STPG2: variants seen among roughly 807,000 people sequenced by gnomAD.
STPG2 encodes the protein sperm tail PG-rich repeat containing 2.
A neutral mutation model predicts 54.2 loss-of-function variants in STPG2; 56 were observed. The observed-to-expected ratio is 1.03, with a 90% CI of 0.83 to 1.29. The LOEUF (loss-of-function observed/expected upper bound fraction) is 1.29. Ranked by LOEUF, STPG2 falls within the 50% of genes most tolerant of loss-of-function variation. STPG2 has a pLI of 0.00. For synonymous variants in STPG2, 200 were observed against 181.8 expected (o/e 1.10, Z -0.81); for missense variants, 596 against 544.9 (o/e 1.09, Z -0.93).
At chr4:97,727,880 A>T (rs1724674542) in intron 9 of STPG2, among the ~76,000 whole-genome samples, 1 of 151,980 alleles carries the variant, frequency 6.6e-6, no homozygotes, top group Admixed American at 6.6e-5. Context: ...GCACAAATGA[A>T]AGCAGAGATA....
intron 1 of STPG2, among the ~76,000 whole-genome samples, chr4:98,140,768 C>G (rs1740259110): frequency 6.6e-6 from 1 of 151,534 alleles, no homozygotes; most frequent in Non-Finnish European, 1.5e-5. Context: ...TAGAGATGTT[C>G]AAAAAAGTAA....
intron 10 of STPG2, among the ~76,000 whole-genome samples, chr4:97,669,904 C>A (rs1722646170): frequency 6.6e-6 from 1 of 151,930 alleles, no homozygotes; most frequent in Non-Finnish European, 1.5e-5. Flanking sequence ...AGTAAAGCAA[C>A]TCTGCATGTA....
chr4:97,994,292 A>T (rs1303452770), intron 5 of STPG2, among the ~76,000 whole-genome samples: 3 of 152,118 alleles, frequency 2.0e-5, no homozygotes, highest in Non-Finnish European at 2.9e-5. Context: ...ATCCCTTTGG[A>T]ATTGATTTCC....
chr4:98,040,919 A>G (rs1376444253), intron 5 of STPG2, among the ~76,000 whole-genome samples: 4 of 151,536 alleles, frequency 2.6e-5, no homozygotes, highest in Admixed American at 2.6e-4. Flanking sequence ...AAGAATCAAC[A>G]TTGAATCAAA....
rs1487089542 is a variant in STPG2, at chr4:97,669,185, T to C, written c.1320+43514A>G. Among the ~76,000 whole-genome samples, 3 of 152,164 alleles carry C rather than the reference T, an allele frequency of 2.0e-5. No homozygotes were observed. The East Asian group carries it at 5.8e-4, about 29-fold the overall frequency. ...GCTGAGTTTATTTTTATTAAGGTAATACTTTACAAACTCTGACCTAATTAG... is the reference window on the plus strand; with the variant it reads ...GCTGAGTTTATTTTTATTAAGGTAACACTTTACAAACTCTGACCTAATTAG... On this transcript the variant is annotated intron_variant, in intron 10 of 10. Transcript: ENST00000295268.
intron 3 of STPG2, among the ~76,000 whole-genome samples, chr4:98,126,883 G>T (rs199939850): frequency 6.6e-6 from 1 of 151,858 alleles, no homozygotes; most frequent in East Asian, 1.9e-4. Context: ...TGAAGGATAG[G>T]ATTATTATTA....
At chr4:97,689,546 T>C (rs1275945266) in intron 10 of STPG2, among the ~76,000 whole-genome samples, 1 of 152,152 alleles carries the variant, frequency 6.6e-6, no homozygotes, top group African/African-American at 2.4e-5. Flanking sequence ...TGACATTTTA[T>C]ATGACTATTA....
intron 10 of STPG2, among the ~76,000 whole-genome samples, chr4:97,579,456 C>A (rs928647744): frequency 6.6e-6 from 1 of 151,872 alleles, no homozygotes; most frequent in Non-Finnish European, 1.5e-5. Flanking sequence ...AAATACTTAT[C>A]TTGTTTGAAA....
At chr4:97,602,058 T>C (rs997065279) in intron 10 of STPG2, among the ~76,000 whole-genome samples, 13 of 151,892 alleles carry the variant, frequency 8.6e-5, no homozygotes, top group African/African-American at 2.4e-4. Flanking sequence ...TACCAGGATA[T>C]AGACATGCAA....
chr4:97,487,807 T>C (rs965870930), intron 4 of STPG2, among the ~76,000 whole-genome samples: 9 of 151,462 alleles, frequency 5.9e-5, no homozygotes, highest in Admixed American at 2.0e-4. Context: ...ACAAATCTTA[T>C]AAATGACTTA....
At chr4:97,948,777 A>G (rs1019881592) in intron 7 of STPG2, among the ~76,000 whole-genome samples, 1 of 152,076 alleles carries the variant, frequency 6.6e-6, no homozygotes, top group African/African-American at 2.4e-5. Flanking sequence ...CTGAGAAGAT[A>G]CTTGCTACAG....
chr4:98,118,684 A>AGG (rs981640228), intron 3 of STPG2, among the ~76,000 whole-genome samples: 23 of 152,288 alleles, frequency 1.5e-4, no homozygotes, highest in African/African-American at 5.5e-4. Context: ...CTATGGAAGT[A>AGG]GGGCTCCTTA....
intron 8 of STPG2, among the ~76,000 whole-genome samples, chr4:97,876,390 T>A (rs1446242832): frequency 1.3e-5 from 2 of 152,108 alleles, no homozygotes; most frequent in Non-Finnish European, 2.9e-5. Context: ...AAAAGTCTAC[T>A]TTGTTAATGC....
At chr4:97,931,214 T>C (rs1355198332) in intron 8 of STPG2, among the ~76,000 whole-genome samples, 1 of 152,212 alleles carries the variant, frequency 6.6e-6, no homozygotes, top group Non-Finnish European at 1.5e-5. Context: ...GGACTTCCAA[T>C]ACTATGCTGA....
chr4:98,060,406 GA>G (rs1737608877), intron 5 of STPG2, among the ~76,000 whole-genome samples: 1 of 136,300 alleles, frequency 7.3e-6, no homozygotes, highest in Non-Finnish European at 1.6e-5. Context: ...ACTGCTCAAG[GA>G]AATCAGAGAA....
intron 5 of STPG2, among the ~76,000 whole-genome samples, chr4:98,090,918 T>C (rs1738666404): frequency 6.6e-6 from 1 of 150,420 alleles, no homozygotes; most frequent in Non-Finnish European, 1.5e-5. Context: ...GCCTATATAA[T>C]AGATGCTAAA....
chr4:97,869,485 TAC>T (rs1208679243), intron 8 of STPG2, among the ~76,000 whole-genome samples: 1 of 151,712 alleles, frequency 6.6e-6, no homozygotes, highest in Non-Finnish European at 1.5e-5. Context: ...GGTATTTTGA[TAC>T]ATTTAGATTT....
intron 9 of STPG2, among the ~76,000 whole-genome samples, chr4:97,765,874 C>G (rs1165503850): frequency 1.3e-5 from 2 of 151,954 alleles, no homozygotes; most frequent in Non-Finnish European, 2.9e-5. Context: ...AATGAGTGGG[C>G]AAATATAAGA....
chr4:97,922,236 A>G (rs746543068), intron 8 of STPG2, among the ~76,000 whole-genome samples: 35 of 152,230 alleles, frequency 2.3e-4, no homozygotes, highest in Non-Finnish European at 4.9e-4. Flanking sequence ...GGGAATACAT[A>G]CATCAAAACA....
Sources: allele counts gnomAD v4.1 joint callset (sites outside exome capture counted in the v4.1 genomes callset), GRCh38; gene constraint gnomAD v4.1.1; transcripts MANE v1.5; gene names NCBI Gene and HGNC (gene_info 2026-07-23, HGNC 2026-07-21).